PARP1: variants seen among roughly 807,000 people sequenced by gnomAD.
The protein encoded by PARP1 is poly(ADP-ribose) polymerase 1.
In PARP1, 44 loss-of-function variants were observed where a neutral mutation model predicts 118.7. That is an observed-to-expected ratio of 0.37 (90% CI 0.29 to 0.48). The LOEUF (loss-of-function observed/expected upper bound fraction) is 0.48, where lower values mean the gene tolerates loss of function less well. PARP1 is among the 20% of genes least tolerant of loss of function. The pLI, the probability that PARP1 is intolerant of heterozygous loss-of-function variation, is 0.99. For missense variants in PARP1, 1,100 were observed against 1,272.4 expected (o/e 0.86, Z 2.06); for synonymous variants, 492 against 483.2 (o/e 1.02, Z -0.24).
At chr1:226,403,378 C>G (rs1161134087) in intron 1 of PARP1, among the ~76,000 whole-genome samples, 1 of 152,222 alleles carries the variant, frequency 6.6e-6, no homozygotes, top group Non-Finnish European at 1.5e-5. Flanking sequence ...TGGGGCTTCA[C>G]CATGTTGGCC....
chr1:226,367,877 T>C (rs1439474194), intron 16 of PARP1, among the ~76,000 whole-genome samples: 1 of 152,072 alleles, frequency 6.6e-6, no homozygotes, highest in Non-Finnish European at 1.5e-5. Flanking sequence ...GGACCTACAG[T>C]GAAGGTACTT....
chr1:226,366,049 C>A lies in PARP1; in HGVS notation c.2410G>T (p.Val804Phe). Residue 804 changes from valine to phenylalanine, a missense_variant, in exon 18 of 23, where the codon GTT (valine) becomes TTT (phenylalanine). Val to Phe is a conservative substitution (Grantham distance 50). Transcript: ENST00000366794. ...YEKLKTDIKV[V>F]DRDSEEAEII... Reference sequence around the variant, plus strand: ...TCGGCTTCTTCAGAATCTCTGTCAACCACCTGGATAAACAGAATCTTGGGA... The same window carrying A: ...TCGGCTTCTTCAGAATCTCTGTCAAACACCTGGATAAACAGAATCTTGGGA... 1 of 1,607,150 alleles carries A rather than the reference C, an allele frequency of 6.2e-7. No individual in the cohort carries two copies. The highest frequency in any genetic ancestry group is 8.5e-7 in the Non-Finnish European group (1 of 1,173,634).
At chr1:226,382,954 T>C in intron 8 of PARP1, 82 bp downstream of exon 8, 1 of 1,494,930 alleles carries the variant, frequency 6.7e-7, no homozygotes, top group Non-Finnish European at 9.3e-7. Flanking sequence ...GATACTTTCT[T>C]CACCAGCTCC....
At chr1:226,385,342 G>A (rs1664694010) in intron 7 of PARP1, among the ~76,000 whole-genome samples, 162 bp downstream of exon 7, 1 of 152,228 alleles carries the variant, frequency 6.6e-6, no homozygotes, top group Non-Finnish European at 1.5e-5. Flanking sequence ...TGCGTAGTTT[G>A]CAAACATGTA....
chr1:226,394,405 A>G (rs1469087366), intron 2 of PARP1, among the ~76,000 whole-genome samples: 1 of 152,224 alleles, frequency 6.6e-6, no homozygotes, highest in Non-Finnish European at 1.5e-5. Context: ...AGAAATGGGT[A>G]TATTATATAC....
intron 1 of PARP1, 95 bp downstream of exon 1, chr1:226,407,715 G>C: frequency 1.5e-6 from 2 of 1,297,746 alleles, no homozygotes; most frequent in South Asian, 1.3e-5. Flanking sequence ...GCCCGGGCCC[G>C]CTCGCTCCCT....
Position 226,381,120 on chromosome 1 carries a change from C to A in PARP1, c.1248G>T (p.Gly416=), listed in dbSNP as rs1458129060. The change falls in exon 9 of 23, where the codon GGG becomes GGT. Residue 416 remains glycine, a synonymous_variant. Transcript: ENST00000366794. ...DEVKAMIEKL[G]GKLTGTANKA... is the part of the protein sequence containing the mutation. Reference sequence around the variant, plus strand: ...TGTTGGCCGTCCCCGTCAACTTCCCCCCGAGTTTCTCAATCATGGCCTTCA... The same window carrying A: ...TGTTGGCCGTCCCCGTCAACTTCCCACCGAGTTTCTCAATCATGGCCTTCA... 1.9e-6 allele frequency: 3 copies of A among 1,614,158 alleles called. No homozygotes were observed. The highest frequency in any genetic ancestry group is 2.5e-6 in the Non-Finnish European group (3 of 1,180,024).
At chr1:226,404,094 T>C (rs1665091364) in intron 1 of PARP1, among the ~76,000 whole-genome samples, 1 of 152,166 alleles carries the variant, frequency 6.6e-6, no homozygotes, top group Non-Finnish European at 1.5e-5. Context: ...CTCCCAATGC[T>C]CCTTCCACAG....
intron 4 of PARP1, 66 bp downstream of exon 4, chr1:226,390,344 G>C: frequency 7.4e-7 from 1 of 1,358,780 alleles, no homozygotes; most frequent in Non-Finnish European, 1.1e-6. Context: ...GGAACCTGTA[G>C]GGCCTTTGGG....
At chr1:226,379,438 G>T in intron 11 of PARP1, 135 bp downstream of exon 11, 1 of 1,154,604 alleles carries the variant, frequency 8.7e-7, no homozygotes, top group Non-Finnish European at 1.3e-6. Flanking sequence ...GGGAGCTGGT[G>T]AAGGAGGCCT....
intron 13 of PARP1, among the ~76,000 whole-genome samples, chr1:226,375,871 A>G (rs1664477684): frequency 6.6e-6 from 1 of 152,270 alleles, no homozygotes; most frequent in Admixed American, 6.5e-5. Flanking sequence ...AACATGGTAC[A>G]TATGGTGGTG....
chr1:226,407,700 C>T, intron 1 of PARP1, 110 bp downstream of exon 1: 2 of 1,055,736 alleles, frequency 1.9e-6, no homozygotes, highest in Non-Finnish European at 2.5e-6. Context: ...AGTGCCGCTC[C>T]GAGGGCCCGG....
At chr1:226,374,406 G>C (rs1440975230) in intron 13 of PARP1, 52 bp from the exon 14 acceptor site, 2 of 1,611,818 alleles carry the variant, frequency 1.2e-6, no homozygotes, top group South Asian at 1.1e-5. Flanking sequence ...ACTCAAGCAA[G>C]GTATCTGCGT....
chr1:226,367,878 G>A (rs998851809), intron 16 of PARP1, among the ~76,000 whole-genome samples: 2 of 152,210 alleles, frequency 1.3e-5, no homozygotes, highest in Admixed American at 6.5e-5. Context: ...GACCTACAGT[G>A]AAGGTACTTT....
Position 226,407,995 on chromosome 1 carries a change from C to A in PARP1, c.-66G>T. 2 of 1,602,124 alleles carry A rather than the reference C, an allele frequency of 1.2e-6. No individual in the cohort carries two copies. Among genetic ancestry groups the A allele is most frequent in the Non-Finnish European group, 8.5e-7 (1 of 1,175,824 alleles). On this transcript the variant is annotated 5_prime_UTR_variant, in exon 1 of 23. Transcript: ENST00000366794. ...ACGACCTAGAAACACGCTGCCGCCT[C>A]GCCGCCTCGCGTGCGCTCACCCAGC...
intron 1 of PARP1, 94 bp from the exon 2 acceptor site, chr1:226,402,473 C>T: frequency 8.4e-7 from 1 of 1,191,374 alleles, no homozygotes; most frequent in Non-Finnish European, 1.2e-6. Context: ...CCAGTCCCAG[C>T]CCCAGCAGTG....
intron 1 of PARP1, among the ~76,000 whole-genome samples, chr1:226,406,970 A>T (rs538558712): frequency 6.6e-6 from 1 of 152,326 alleles, no homozygotes; most frequent in African/African-American, 2.4e-5. Context: ...GGAAGCGAGG[A>T]GGAACAGGGC....
chr1:226,383,950 A>G (rs1160533040), intron 7 of PARP1, among the ~76,000 whole-genome samples: 1 of 152,218 alleles, frequency 6.6e-6, no homozygotes, highest in Non-Finnish European at 1.5e-5. Flanking sequence ...TGTGCTACCA[A>G]CCATAGTCTG....
chr1:226,365,297 T>A lies in PARP1; in HGVS notation c.2506-143A>T, dbSNP rs1219041853. 4 of 966,420 alleles carry A rather than the reference T, an allele frequency of 4.1e-6. No individual in the cohort carries two copies. The Admixed American group carries it at 8.0e-5, about 19-fold the overall frequency. 59.9% of individuals were successfully genotyped at this position (966,420 alleles called of 1,614,324 possible). A position where few individuals can be genotyped will look rare whatever the true frequency, so the allele number is the denominator to read the frequency against. ...AAGGTCTGCTGCAATGTAAAAAGTG[T>A]TTTCCACAAGGCTGGGATGGAAGGT... On this transcript the variant is annotated intron_variant, in intron 18 of 22. Transcript: ENST00000366794.
Sources: allele counts gnomAD v4.1 joint callset (sites outside exome capture counted in the v4.1 genomes callset), GRCh38; gene constraint gnomAD v4.1.1; transcripts MANE v1.5; gene names NCBI Gene and HGNC (gene_info 2026-07-23, HGNC 2026-07-21).